Variants in H6PD observed in about 807,000 individuals in gnomAD.
H6PD encodes GDH/6PGL endoplasmic bifunctional protein.
Under a neutral mutation model 61.2 loss-of-function variants are expected in H6PD, and 48 were observed. The ratio of observed to expected loss-of-function variants is 0.78; its 90% CI spans 0.62 to 1.00. The LOEUF (loss-of-function observed/expected upper bound fraction) is 1.00. Among genes scored for constraint, H6PD ranks in the 50% least tolerant of loss-of-function variants. The probability of loss-of-function intolerance (pLI) is 0.00; values close to 1 mark genes in which losing one functional copy is unlikely to be tolerated. For missense variants in H6PD, 1,093 were observed against 1,065.0 expected (o/e 1.03, Z -0.37); for synonymous variants, 480 against 457.9 (o/e 1.05, Z -0.62).
At chr1:9,249,406 A>G (rs1269338774) in intron 3 of H6PD, among the ~76,000 whole-genome samples, 2 of 152,192 alleles carry the variant, frequency 1.3e-5, no homozygotes, top group Non-Finnish European at 2.9e-5. Context: ...TTGCCGGGAC[A>G]GTCTGAGGAT....
chr1:9,255,456 A>AT (rs1263794539), intron 3 of H6PD, among the ~76,000 whole-genome samples: 1 of 151,530 alleles, frequency 6.6e-6, no homozygotes, highest in Non-Finnish European at 1.5e-5. Context: ...TAATTTTTGT[A>AT]TTTTTTGTAG....
intron 3 of H6PD, among the ~76,000 whole-genome samples, chr1:9,260,069 GTGT>G (rs1557747337): frequency 1.3e-5 from 2 of 150,958 alleles, no homozygotes; most frequent in Non-Finnish European, 2.9e-5. Context: ...TGTTACTCCG[GTGT>G]TGTTACGTTG....
Position 9,265,142 on chromosome 1 carries a change from C to A in H6PD, c.*273C>A, listed in dbSNP as rs1267706290. The A allele has an allele frequency of 9.0e-6, 5 of 554,294 alleles. No homozygotes were observed. The highest frequency in any genetic ancestry group is 1.6e-5 in the Non-Finnish European group (5 of 307,430). The allele number at this position is 554,294 out of a possible 1,614,324, so 34.3% of individuals were successfully genotyped here. On this transcript the variant is annotated 3_prime_UTR_variant, in exon 5 of 5. Coordinates refer to ENST00000377403, the MANE Select transcript of H6PD (RefSeq NM_004285.4). ...CCAGGAGAGAAGTCTTAAGAAAAGA[C>A]CTCCAGCAGTTACACATTCATATCA...
rs192212533 is a variant in H6PD at position 9,247,497 on chromosome 1, G to T, written c.745+414G>T. Among the ~76,000 whole-genome samples, 20 of 151,842 alleles carry T rather than the reference G, an allele frequency of 1.3e-4. No homozygotes were observed. The South Asian group carries it at 4.2e-3, about 32-fold the overall frequency. ...CCCCTCACCTTCTGACCCCTCTCTCGCTTGTTAGTTCTCAGCTCCATGGCC... is the reference window on the plus strand; with the variant it reads ...CCCCTCACCTTCTGACCCCTCTCTCTCTTGTTAGTTCTCAGCTCCATGGCC... On this transcript the variant is annotated intron_variant, in intron 3 of 4. Coordinates refer to ENST00000377403, the MANE Select transcript of H6PD (RefSeq NM_004285.4).
chr1:9,265,063 G>C lies in H6PD; in HGVS notation c.*194G>C. 4 of 648,410 alleles carry C rather than the reference G, an allele frequency of 6.2e-6. No individual in the cohort carries two copies. In the South Asian group the frequency reaches 7.1e-5, roughly 11 times the overall value. The allele number at this position is 648,410 out of a possible 1,614,324, so 40.2% of individuals were successfully genotyped here. ...CGGCAGCTCTGTGTATTGGTGGATA[G>C]ATGCAGAAACAAGGAAGAAATGGAG... On this transcript the variant is annotated 3_prime_UTR_variant, in exon 5 of 5. Transcript: ENST00000377403.
In H6PD at chr1:9,251,962, C is replaced by T. The variant is rs115063310; in HGVS notation, c.745+4879C>T. 9.9e-3 allele frequency among the ~76,000 whole-genome samples: 1,501 copies of T among 151,658 alleles called. 20 individuals carry two copies. The highest frequency in any genetic ancestry group is 0.035 in the African/African-American group (1,432 of 41,244). On this transcript the variant is annotated intron_variant, in intron 3 of 4. Coordinates refer to ENST00000377403, the MANE Select transcript of H6PD (RefSeq NM_004285.4). ...GCAACGAGGAAGGGGTTTCTGGTCC[C>T]GGTTCTGAAGGCTGTGACCTTCAGC...
chr1:9,244,337 C>A (rs983058552), intron 1 of H6PD, among the ~76,000 whole-genome samples: 1 of 152,210 alleles, frequency 6.6e-6, no homozygotes, highest in African/African-American at 2.4e-5. Flanking sequence ...TGTGCACTTA[C>A]TAAGGGGTTG....
At chr1:9,259,615 T>C (rs1403696068) in intron 3 of H6PD, among the ~76,000 whole-genome samples, 2 of 152,144 alleles carry the variant, frequency 1.3e-5, no homozygotes, top group African/African-American at 4.8e-5. Flanking sequence ...GCTGTTACAA[T>C]GGTGTTATAT....
intron 3 of H6PD, among the ~76,000 whole-genome samples, chr1:9,257,935 T>G (rs780009855): frequency 7.9e-5 from 12 of 152,248 alleles, no homozygotes; most frequent in Non-Finnish European, 1.6e-4. Context: ...GACTGTCCTG[T>G]ATATTCGAGT....
chr1:9,260,581 T>TA (rs1638223611), intron 3 of H6PD, among the ~76,000 whole-genome samples: 1 of 152,158 alleles, frequency 6.6e-6, no homozygotes, highest in Admixed American at 6.5e-5. Flanking sequence ...ATGTTGTTGT[T>TA]ACACTGGTGT....
rs1431304858 is a variant in H6PD at position 9,267,392 on chromosome 1, A to C, written c.*2523A>C. On this transcript the variant is annotated 3_prime_UTR_variant, in exon 5 of 5. Transcript: ENST00000377403. ...CTCTCCCAGGGTACCTGGCCCCAGC[A>C]CTCTCCCATCTGTTCTTCAGGAACC... 6.6e-6 allele frequency: 1 copy of C among 151,230 alleles called. No individual in the cohort carries two copies. Among genetic ancestry groups the C allele is most frequent in the African/African-American group, 2.4e-5 (1 of 41,010 alleles). 9.4% of individuals were successfully genotyped at this position (151,230 alleles called of 1,614,324 possible). A position where few individuals can be genotyped will look rare whatever the true frequency, so the allele number is the denominator to read the frequency against.
intron 3 of H6PD, 36 bp from the exon 4 acceptor site, chr1:9,262,021 CTT>C (rs1403525203): frequency 3.1e-6 from 5 of 1,611,396 alleles, no homozygotes; most frequent in Non-Finnish European, 1.7e-6. Context: ...TCTGGCCTCT[CTT>C]TAGATCCTCC....
rs113646926 is a variant in H6PD at position 9,270,291 on chromosome 1, G to C, written c.*5422G>C. On this transcript the variant is annotated 3_prime_UTR_variant, in exon 5 of 5. Transcript: ENST00000377403. Reference sequence around the variant, plus strand: ...TAAACACTTTGATTTGCTGAAAGCTGTATGGAGTATATTTGAACAGCTAGT... The same window carrying C: ...TAAACACTTTGATTTGCTGAAAGCTCTATGGAGTATATTTGAACAGCTAGT... 6.6e-6 allele frequency: 1 copy of C among 152,574 alleles called. No individual in the cohort carries two copies. Among genetic ancestry groups the C allele is most frequent in the East Asian group, 1.9e-4 (1 of 5,196 alleles). 9.5% of individuals were successfully genotyped at this position (152,574 alleles called of 1,614,324 possible).
At chr1:9,241,154 T>C (rs865821597) in intron 1 of H6PD, among the ~76,000 whole-genome samples, 1 of 152,166 alleles carries the variant, frequency 6.6e-6, no homozygotes, top group Non-Finnish European at 1.5e-5. Context: ...CTGAGAGCAA[T>C]GGTATACTAC....
At chr1:9,260,630 T>C (rs904049407) in intron 3 of H6PD, among the ~76,000 whole-genome samples, 1 of 152,092 alleles carries the variant, frequency 6.6e-6, no homozygotes, top group Non-Finnish European at 1.5e-5. Flanking sequence ...GTTACGCCAA[T>C]GTTGTTATGT....
At chr1:9,237,695 GCT>G (rs149329795) in intron 1 of H6PD, among the ~76,000 whole-genome samples, 1,930 of 152,288 alleles carry the variant, frequency 0.013, 17 homozygotes, top group Non-Finnish European at 0.018. Context: ...TCCATAAATA[GCT>G]CTTTTATTAT....
At chr1:9,237,249 T>C (rs1570072299) in intron 1 of H6PD, among the ~76,000 whole-genome samples, 1 of 128,190 alleles carries the variant, frequency 7.8e-6, no homozygotes, top group South Asian at 2.4e-4. Context: ...TTTTTTTTTT[T>C]TTTTTTTTTT....
At position 9,262,027 on chromosome 1, in the gene H6PD, A is replaced by C. The variant is rs773690898; in HGVS notation, c.746-32A>C. The C allele has an allele frequency of 3.7e-6, 6 of 1,612,530 alleles. No homozygotes were observed. In the African/African-American group the frequency reaches 8.0e-5, roughly 22 times the overall value. On this transcript the variant is annotated intron_variant, in intron 3 of 4. Coordinates refer to ENST00000377403, the MANE Select transcript of H6PD (RefSeq NM_004285.4). The stretch of plus-strand genomic sequence containing the variant: ...ATCTGATGTTCTGGCCTCTCTTTAG[A>C]TCCTCCCCACTTCTCCACCTCCCTC...
chr1:9,239,508 A>G (rs543126792), intron 1 of H6PD, among the ~76,000 whole-genome samples: 1 of 152,354 alleles, frequency 6.6e-6, no homozygotes, highest in East Asian at 1.9e-4. Context: ...GGACCAGAAC[A>G]GGAAGATTGC....
Sources: allele counts gnomAD v4.1 joint callset (sites outside exome capture counted in the v4.1 genomes callset), GRCh38; gene constraint gnomAD v4.1.1; transcripts MANE v1.5; gene names NCBI Gene and HGNC (gene_info 2026-07-23, HGNC 2026-07-21).